Variants in WDR49 observed in about 807,000 individuals in gnomAD.
The protein encoded by WDR49 is cilia- and flagella-associated protein 337.
WDR49 carries 107 observed loss-of-function variants against 119.5 expected under a neutral mutation model. The ratio of observed to expected loss-of-function variants is 0.90; its 90% confidence interval spans 0.77 to 1.05. The LOEUF (loss-of-function observed/expected upper bound fraction) is 1.05. Ranked by LOEUF, WDR49 falls within the 50% of genes least tolerant of loss-of-function variation. The probability of loss-of-function intolerance (pLI) is 0.00; values close to 1 mark genes in which losing one functional copy is unlikely to be tolerated. For synonymous variants in WDR49, 425 were observed against 418.8 expected (o/e 1.01, Z -0.18); for missense variants, 1,240 against 1,220.5 (o/e 1.02, Z -0.24).
intron 18 of WDR49, among the ~76,000 whole-genome samples, chr3:167,488,150 ACACACAC>A (rs1247559063): frequency 3.2e-5 from 1 of 30,866 alleles, no homozygotes; most frequent in Non-Finnish European, 5.9e-5. Flanking sequence ...ACTCAAACAC[ACACACAC>A]ACACACACAC....
chr3:167,610,142 CT>C (rs1314051518), intron 5 of WDR49, among the ~76,000 whole-genome samples: 1 of 152,172 alleles, frequency 6.6e-6, no homozygotes, highest in East Asian at 1.9e-4. Context: ...ACTCCTCCTG[CT>C]TGAGAAAAGC....
chr3:167,601,052 C>T (rs1405566572), intron 7 of WDR49, among the ~76,000 whole-genome samples: 1 of 152,060 alleles, frequency 6.6e-6, no homozygotes, highest in African/African-American at 2.4e-5. Flanking sequence ...AGAGTCAGAT[C>T]AGTCTGAAAA....
intron 7 of WDR49, among the ~76,000 whole-genome samples, chr3:167,589,520 C>T (rs1030097011): frequency 1.3e-5 from 2 of 152,032 alleles, no homozygotes; most frequent in African/African-American, 4.8e-5. Context: ...CTGTATATTG[C>T]TTTTGGTAAT....
chr3:167,548,816 A>G (rs1346872575), intron 10 of WDR49, among the ~76,000 whole-genome samples: 2 of 152,012 alleles, frequency 1.3e-5, no homozygotes, highest in African/African-American at 4.8e-5. Flanking sequence ...TACATTAGGT[A>G]TATCTCCTAA....
chr3:167,579,532 G>A lies in WDR49; in HGVS notation c.1276-3381C>T, dbSNP rs149534751. On this transcript the variant is annotated intron_variant, in intron 7 of 18. Transcript: ENST00000682715. ...CTTATAACAAGCTTGAACTAACCTA[G>A]TCAGTCTCTACTTGGTAAACCACAT... is the stretch of plus-strand genomic sequence containing the variant. Among the ~76,000 whole-genome samples the A allele has an allele frequency of 2.0e-4, 30 of 152,142 alleles. 1 individual carries two copies. The East Asian group carries it at 5.6e-3, about 28-fold the overall frequency.
intron 8 of WDR49, among the ~76,000 whole-genome samples, chr3:167,563,699 C>T (rs1041057444): frequency 1.2e-4 from 19 of 152,142 alleles, no homozygotes; most frequent in African/African-American, 3.9e-4. Flanking sequence ...AATGATCAAA[C>T]AGGGTAATTA....
At position 167,478,821 on chromosome 3, in the gene WDR49, C is replaced by T. The variant is rs545096297; in HGVS notation, c.*57G>A. 8.2e-4 allele frequency: 997 copies of T among 1,216,450 alleles called. 13 individuals are homozygous for T. The South Asian group carries it at 0.014, about 17-fold the overall frequency. The allele number at this position is 1,216,450 out of a possible 1,614,324, so 75.4% of individuals were successfully genotyped here. On this transcript the variant is annotated 3_prime_UTR_variant, in exon 19 of 19. Transcript: ENST00000682715. ...AAAATAAAAGGCAGAATTCTTGATG[C>T]TTTTTCTGCATTTTATATCTGTACC...
intron 9 of WDR49, among the ~76,000 whole-genome samples, chr3:167,555,341 T>C (rs116104549): frequency 1.8e-3 from 275 of 152,324 alleles, no homozygotes; most frequent in African/African-American, 6.5e-3. Context: ...TGAGTCCACA[T>C]GCCTTGCATT....
chr3:167,639,482 A>C (rs1323853283), intron 2 of WDR49, among the ~76,000 whole-genome samples: 1 of 151,808 alleles, frequency 6.6e-6, no homozygotes, highest in East Asian at 1.9e-4. Context: ...TATTGGCTTC[A>C]ACAAAATCTG....
chr3:167,609,032 A>G (rs929042127), intron 5 of WDR49, among the ~76,000 whole-genome samples: 11 of 152,188 alleles, frequency 7.2e-5, no homozygotes, highest in Non-Finnish European at 1.6e-4. Flanking sequence ...GAAAATGAAA[A>G]GTGATACCTA....
intron 16 of WDR49, among the ~76,000 whole-genome samples, chr3:167,520,882 CAG>C (rs1752410355): frequency 6.6e-6 from 1 of 151,996 alleles, no homozygotes; most frequent in Non-Finnish European, 1.5e-5. Context: ...ATGATTGCAT[CAG>C]AGAGAGTCTT....
At chr3:167,642,602 C>T (rs546349435) in intron 2 of WDR49, among the ~76,000 whole-genome samples, 2 of 151,890 alleles carry the variant, frequency 1.3e-5, no homozygotes, top group South Asian at 4.2e-4. Context: ...TAGATATATC[C>T]TAGCTATGTC....
chr3:167,561,679 A>T (rs1017946971), intron 8 of WDR49, among the ~76,000 whole-genome samples: 9 of 152,110 alleles, frequency 5.9e-5, no homozygotes, highest in Non-Finnish European at 1.2e-4. Flanking sequence ...TTGAAGATGG[A>T]GACATGTATT....
intron 18 of WDR49, among the ~76,000 whole-genome samples, chr3:167,486,724 T>G (rs758554364): frequency 6.6e-6 from 1 of 151,988 alleles, no homozygotes; most frequent in South Asian, 2.1e-4. Flanking sequence ...AGCATCGAGA[T>G]TCATAAAACA....
intron 1 of WDR49, 56 bp from the exon 2 acceptor site, chr3:167,653,555 TC>T (rs1277468381): frequency 8.7e-7 from 1 of 1,155,762 alleles, no homozygotes; most frequent in Non-Finnish European, 1.2e-6. Context: ...TACAAACCTT[TC>T]AAGGCATACG....
intron 7 of WDR49, among the ~76,000 whole-genome samples, chr3:167,584,981 A>G (rs1322800386): frequency 6.6e-6 from 1 of 152,024 alleles, no homozygotes; most frequent in Non-Finnish European, 1.5e-5. Flanking sequence ...TCTTTGTTAT[A>G]TGCATTGCAA....
In WDR49 at chr3:167,609,171, C is replaced by T. The variant is rs550432445; in HGVS notation, c.959-4703G>A. Among the ~76,000 whole-genome samples the T allele has an allele frequency of 2.0e-5, 3 of 151,436 alleles. No homozygotes were observed. The East Asian group carries it at 5.9e-4, about 30-fold the overall frequency. On this transcript the variant is annotated intron_variant, in intron 5 of 18. Coordinates refer to ENST00000682715, the MANE Select transcript of WDR49 (RefSeq NM_001366157.1). Reference sequence around the variant, plus strand: ...GTCTCCACCAATTCTCCCCTCTACCCCTGCAAGGACACCAAGTTAACAATC... The same window carrying T: ...GTCTCCACCAATTCTCCCCTCTACCTCTGCAAGGACACCAAGTTAACAATC...
Position 167,554,505 on chromosome 3 carries a change from T to C in WDR49, c.1823+145A>G, listed in dbSNP as rs113694618. ...TCAAGCTATGCGGTCTTCTAATATT[T>C]TATTCACTAAGCATTCAGTCAATTC... On this transcript the variant is annotated intron_variant, in intron 10 of 18. Coordinates refer to ENST00000682715, the MANE Select transcript of WDR49 (RefSeq NM_001366157.1). 969 of 464,898 alleles carry C rather than the reference T, an allele frequency of 2.1e-3. 11 individuals carry two copies. In the East Asian group the frequency reaches 0.022, roughly 11 times the overall value. 28.8% of individuals were successfully genotyped at this position (464,898 alleles called of 1,614,324 possible). A position where few individuals can be genotyped will look rare whatever the true frequency, so the allele number is the denominator to read the frequency against.
At chr3:167,631,606 C>T (rs1717377331) in intron 2 of WDR49, among the ~76,000 whole-genome samples, 1 of 152,056 alleles carries the variant, frequency 6.6e-6, no homozygotes, top group Non-Finnish European at 1.5e-5. Flanking sequence ...CTGTTTAGTT[C>T]AGTGAGATTC....
Sources: allele counts gnomAD v4.1 joint callset (sites outside exome capture counted in the v4.1 genomes callset), GRCh38; gene constraint gnomAD v4.1.1; transcripts MANE v1.5; gene names NCBI Gene and HGNC (gene_info 2026-07-23, HGNC 2026-07-21).